Variants in DAP3 observed in about 807,000 individuals in gnomAD.
DAP3 encodes death associated protein 3.
In DAP3, 28 loss-of-function variants were observed where a neutral mutation model predicts 51.9. The ratio of observed to expected loss-of-function variants is 0.54; its 90% confidence interval spans 0.40 to 0.74. DAP3 has a LOEUF of 0.74. DAP3 is among the 30% of genes least tolerant of loss of function. DAP3 has a pLI of 0.00. For synonymous variants in DAP3, 170 were observed against 170.3 expected (o/e 1.00, Z 0.01); for missense variants, 458 against 483.5 (o/e 0.95, Z 0.49).
At chr1:155,714,199 A>G (rs1381120817) in intron 2 of DAP3, among the ~76,000 whole-genome samples, 1 of 152,142 alleles carries the variant, frequency 6.6e-6, no homozygotes, top group East Asian at 1.9e-4. Context: ...GGAATTTGAG[A>G]CTTATTTTGA....
At chr1:155,735,392 A>G (rs1010030414) in intron 11 of DAP3, among the ~76,000 whole-genome samples, 4 of 152,138 alleles carry the variant, frequency 2.6e-5, no homozygotes, top group African/African-American at 9.6e-5. Context: ...CCTGGCCAAC[A>G]TGATGAAATC....
chr1:155,734,755 A>G (rs1421498962), intron 11 of DAP3, among the ~76,000 whole-genome samples: 1 of 152,174 alleles, frequency 6.6e-6, no homozygotes, highest in Non-Finnish European at 1.5e-5. Context: ...ATACATGTTT[A>G]TACACATCCA....
intron 1 of DAP3, among the ~76,000 whole-genome samples, chr1:155,694,196 C>T (rs199551771): frequency 3.6e-4 from 51 of 141,190 alleles, no homozygotes; most frequent in East Asian, 3.5e-3. Context: ...TTTAGGCAAC[C>T]GACAGCTGGC....
chr1:155,718,665 G>A (rs1657607141), intron 3 of DAP3, among the ~76,000 whole-genome samples: 1 of 149,230 alleles, frequency 6.7e-6, no homozygotes, highest in African/African-American at 2.5e-5. Flanking sequence ...CAGCCTGGGC[G>A]ACAGTGCAAG....
At chr1:155,715,823 C>T (rs1018386412) in intron 2 of DAP3, among the ~76,000 whole-genome samples, 1 of 152,152 alleles carries the variant, frequency 6.6e-6, no homozygotes, top group Non-Finnish European at 1.5e-5. Context: ...TTTCGGTGTA[C>T]AGTTCACTGA....
chr1:155,733,742 C>A (rs1052953251), intron 11 of DAP3, among the ~76,000 whole-genome samples: 2 of 152,028 alleles, frequency 1.3e-5, no homozygotes, highest in African/African-American at 4.8e-5. Context: ...GAGGCTGAGG[C>A]AGAAGAATCG....
intron 9 of DAP3, among the ~76,000 whole-genome samples, chr1:155,729,615 T>TA (rs1486000609): frequency 6.6e-6 from 1 of 151,788 alleles, no homozygotes; most frequent in Non-Finnish European, 1.5e-5. Flanking sequence ...CCCCTGCCTC[T>TA]AAAAAAATAA....
In DAP3 at chr1:155,727,748, C is replaced by A. The variant is rs765674509; in HGVS notation, c.603+10C>A. On this transcript the variant is annotated intron_variant, in intron 7 of 12. Transcript: ENST00000368336. Reference sequence around the variant, plus strand: ...GCGCTTCCTGAACCAGGTGACTAGACTCCCAGAAGTTGAGTGCTAGGTAGT... The same window carrying A: ...GCGCTTCCTGAACCAGGTGACTAGAATCCCAGAAGTTGAGTGCTAGGTAGT... 6.2e-7 allele frequency: 1 copy of A among 1,613,174 alleles called. No homozygotes were observed.
intron 11 of DAP3, among the ~76,000 whole-genome samples, chr1:155,735,474 G>T (rs1186152440): frequency 6.6e-6 from 1 of 151,842 alleles, no homozygotes; most frequent in East Asian, 1.9e-4. Flanking sequence ...CTACTCGTGA[G>T]GCTGAGACAG....
At chr1:155,705,635 G>A (rs1363662269) in intron 1 of DAP3, among the ~76,000 whole-genome samples, 1 of 149,978 alleles carries the variant, frequency 6.7e-6, no homozygotes, top group Admixed American at 6.6e-5. Context: ...AAAACAGAAA[G>A]GAAATAAAAT....
At position 155,700,081 on chromosome 1, in the gene DAP3, C is replaced by T. The variant is rs112039296; in HGVS notation, c.-7-9692C>T. ...CCTCCCCTCTAGCTGGGACTATAGG[C>T]GTGCACCACCACGCCCAGTTAATTT... is the stretch of plus-strand genomic sequence containing the variant. On this transcript the variant is annotated intron_variant, in intron 1 of 12. Coordinates refer to ENST00000368336, the MANE Select transcript of DAP3 (RefSeq NM_004632.4). Among the ~76,000 whole-genome samples, 1,502 of 152,248 alleles carry T rather than the reference C, an allele frequency of 9.9e-3. 22 individuals carry two copies. Among genetic ancestry groups the T allele is most frequent in the African/African-American group, 0.035 (1,439 of 41,532 alleles).
chr1:155,704,616 G>T (rs919887849), intron 1 of DAP3, among the ~76,000 whole-genome samples: 1 of 152,218 alleles, frequency 6.6e-6, no homozygotes, highest in African/African-American at 2.4e-5. Context: ...TAGACTCTGT[G>T]TAGTGTGGGC....
chr1:155,695,321 A>G (rs1654369540), intron 1 of DAP3, among the ~76,000 whole-genome samples: 1 of 152,234 alleles, frequency 6.6e-6, no homozygotes, highest in African/African-American at 2.4e-5. Context: ...GTTAGGTGCC[A>G]ACCCTCGAGG....
intron 5 of DAP3, among the ~76,000 whole-genome samples, 190 bp downstream of exon 5, chr1:155,725,680 T>C (rs1192359342): frequency 6.6e-6 from 1 of 152,132 alleles, no homozygotes; most frequent in East Asian, 1.9e-4. Context: ...CTGGCCAACA[T>C]GGCGAAACCC....
At position 155,725,482 on chromosome 1, in the gene DAP3, A is replaced by G. The variant is rs567143323; in HGVS notation, c.371A>G (p.Tyr124Cys). The change falls in exon 5 of 13, where the codon TAT becomes TGT. Residue 124 changes from tyrosine (Y) to cysteine (C), a missense_variant. Tyr to Cys is a radical substitution (Grantham distance 194). Coordinates refer to ENST00000368336, the MANE Select transcript of DAP3 (RefSeq NM_004632.4). ...AGTTTTGCTTATCCAGCTATACGAT[A>G]TCTTCTGTGTATCCTTTCCTGCCTG... is the stretch of plus-strand genomic sequence containing the variant. Reference protein sequence around the residue: ...NTSFAYPAIRYLLYGEKGTGK... With the variant: ...NTSFAYPAIRCLLYGEKGTGK... 1 of 1,613,804 alleles carries G rather than the reference A, an allele frequency of 6.2e-7. No homozygotes were observed. The highest frequency in any genetic ancestry group is 1.3e-5 in the African/African-American group (1 of 75,022).
chr1:155,693,309 A>G lies in DAP3; in HGVS notation c.-8+4135A>G, dbSNP rs183475766. ...TCTGAATGGGCGCCATTCGGTTGGA[A>G]GAAAACTGATACACAAATTGAAGTC... On this transcript the variant is annotated intron_variant, in intron 1 of 12. Transcript: ENST00000368336. 8.2e-4 allele frequency among the ~76,000 whole-genome samples: 117 copies of G among 142,150 alleles called. 34 individuals are homozygous for G. Among genetic ancestry groups the G allele is most frequent in the African/African-American group, 3.5e-3 (112 of 31,610 alleles). The allele number at this position is 142,150 out of a possible 152,430, so 93.3% of individuals were successfully genotyped here.
At chr1:155,716,362 C>T (rs1294626116) in intron 2 of DAP3, among the ~76,000 whole-genome samples, 1 of 147,454 alleles carries the variant, frequency 6.8e-6, no homozygotes, top group Non-Finnish European at 1.5e-5. Context: ...GAGATCGAGA[C>T]CATCCTGGCT....
intron 5 of DAP3, 46 bp downstream of exon 5, chr1:155,725,536 C>A: frequency 2.0e-6 from 3 of 1,530,630 alleles, no homozygotes; most frequent in South Asian, 1.1e-5. Flanking sequence ...AATGCTTTCT[C>A]CCCTCAAATA....
At chr1:155,704,168 G>A (rs981460539) in intron 1 of DAP3, among the ~76,000 whole-genome samples, 1 of 152,182 alleles carries the variant, frequency 6.6e-6, no homozygotes, top group African/African-American at 2.4e-5. Flanking sequence ...AAGTAGTGAG[G>A]AAATACTGAA....
Sources: gnomAD v4.1 joint callset for allele counts (sites outside exome capture counted in the v4.1 genomes callset) on GRCh38, gnomAD v4.1.1 for gene constraint, MANE v1.5 for transcripts, NCBI Gene and HGNC (gene_info 2026-07-23, HGNC 2026-07-21) for gene names.